Variants in GYPE observed in about 807,000 individuals in gnomAD.
The protein encoded by GYPE is glycophorin-E.
In GYPE, 8 loss-of-function variants were observed where a neutral mutation model predicts 11.6. The observed-to-expected ratio is 0.69, with a 90% CI of 0.41 to 1.25. GYPE has a LOEUF of 1.25. Ranked by LOEUF, GYPE falls within the 50% of genes most tolerant of loss-of-function variation. The pLI is 0.01. For synonymous variants in GYPE, 28 were observed against 29.6 expected (o/e 0.94, Z 0.18); for missense variants, 90 against 92.8 (o/e 0.97, Z 0.12).
chr4:143,897,218 C>A (rs1392825092), intron 1 of GYPE, among the ~76,000 whole-genome samples: 1 of 151,986 alleles, frequency 6.6e-6, no homozygotes, highest in African/African-American at 2.4e-5. Context: ...AACCCCAGTG[C>A]TTTGGGAGGC....
chr4:143,879,782 T>A (rs1474600385), intron 2 of GYPE, among the ~76,000 whole-genome samples: 2 of 152,060 alleles, frequency 1.3e-5, no homozygotes, highest in East Asian at 1.9e-4. Flanking sequence ...AAGACAAATC[T>A]CCCACATCCC....
intron 1 of GYPE, 34 bp downstream of exon 1, chr4:143,905,437 T>C (rs756791170): frequency 1.2e-6 from 2 of 1,612,602 alleles, no homozygotes; most frequent in South Asian, 1.1e-5. Flanking sequence ...TCATACCCAA[T>C]ATAACAGAAC....
intron 1 of GYPE, among the ~76,000 whole-genome samples, chr4:143,881,768 T>A (rs1744030411): frequency 6.6e-6 from 1 of 152,202 alleles, no homozygotes; most frequent in Non-Finnish European, 1.5e-5. Flanking sequence ...TAAACGTCAG[T>A]ACCCTGAACT....
intron 1 of GYPE, among the ~76,000 whole-genome samples, chr4:143,899,446 A>AT (rs890143486): frequency 2.2e-4 from 33 of 151,524 alleles, no homozygotes; most frequent in African/African-American, 6.1e-4. Flanking sequence ...AATGCACATA[A>AT]TTTTTTTTTG....
At chr4:143,874,077 C>T (rs1743705171) in intron 3 of GYPE, among the ~76,000 whole-genome samples, 1 of 152,016 alleles carries the variant, frequency 6.6e-6, no homozygotes, top group Non-Finnish European at 1.5e-5. Context: ...GTACTAGCAA[C>T]TGTCTTGTTG....
intron 2 of GYPE, 143 bp downstream of exon 2, chr4:143,880,268 G>A: frequency 7.3e-7 from 1 of 1,367,104 alleles, no homozygotes; most frequent in Non-Finnish European, 1.0e-6. Context: ...AGTAGGAATT[G>A]TGTCTACTTA....
In GYPE at chr4:143,905,435, A is replaced by C. The variant is rs753332011; in HGVS notation, c.37+36T>G. The C allele has an allele frequency of 1.2e-5, 20 of 1,612,500 alleles. No individual in the cohort carries two copies. The African/African-American group carries it at 2.1e-4, about 17-fold the overall frequency. On this transcript the variant is annotated intron_variant, in intron 1 of 3. Coordinates refer to ENST00000358615, the MANE Select transcript of GYPE (RefSeq NM_198682.3). ...CATTTTATTCTATGATCTCATACCC[A>C]ATATAACAGAACCAAGATGAAATAA...
chr4:143,897,655 T>C (rs1744701678), intron 1 of GYPE, among the ~76,000 whole-genome samples: 1 of 152,160 alleles, frequency 6.6e-6, no homozygotes, highest in Non-Finnish European at 1.5e-5. Flanking sequence ...CTGATGAACC[T>C]GGTTATACCC....
chr4:143,879,867 T>A lies in GYPE; in HGVS notation c.136+544A>T, dbSNP rs1204463092. The stretch of plus-strand genomic sequence containing the variant: ...AGAGACTGCCACCAGATTACTCTTA[T>A]CTCAGCACCCAGCTTTGCTTATTGT... On this transcript the variant is annotated intron_variant, in intron 2 of 3. Transcript: ENST00000358615. Among the ~76,000 whole-genome samples, 4 of 152,178 alleles carry A rather than the reference T, an allele frequency of 2.6e-5. No homozygotes were observed. The East Asian group carries it at 7.7e-4, about 29-fold the overall frequency.
chr4:143,894,260 C>T (rs560716155), intron 1 of GYPE, among the ~76,000 whole-genome samples: 1 of 151,992 alleles, frequency 6.6e-6, no homozygotes, highest in Admixed American at 6.6e-5. Context: ...TTTGAATTTC[C>T]TCCTGTAGCT....
At chr4:143,879,185 A>G (rs1743926926) in intron 2 of GYPE, among the ~76,000 whole-genome samples, 2 of 152,104 alleles carry the variant, frequency 1.3e-5, no homozygotes, top group African/African-American at 4.8e-5. Flanking sequence ...ATTCTATGTC[A>G]GCAGCAATTG....
chr4:143,905,319 G>C (rs1289837172), intron 1 of GYPE, among the ~76,000 whole-genome samples, 152 bp downstream of exon 1: 2 of 152,110 alleles, frequency 1.3e-5, no homozygotes, highest in East Asian at 3.9e-4. Flanking sequence ...ATTGGTAGCT[G>C]AGTTCCAGTA....
At position 143,901,811 on chromosome 4, in the gene GYPE, G is replaced by GTTTC. The variant is rs1159983133; in HGVS notation, c.37+3659_37+3660insGAAA. On this transcript the variant is annotated intron_variant, in intron 1 of 3. Coordinates refer to ENST00000358615, the MANE Select transcript of GYPE (RefSeq NM_198682.3). ...AAGAAATTTATCACAAGAATGTGAA[G>GTTTC]CTAAATTTCCTAATTTAAAATCACT... Among the ~76,000 whole-genome samples, 899 of 152,076 alleles carry GTTTC rather than the reference G, an allele frequency of 5.9e-3. 11 individuals carry two copies. The highest frequency in any genetic ancestry group is 0.021 in the African/African-American group (862 of 41,482).
At chr4:143,880,927 G>A (rs1744000502) in intron 1 of GYPE, among the ~76,000 whole-genome samples, 1 of 151,908 alleles carries the variant, frequency 6.6e-6, no homozygotes, top group African/African-American at 2.4e-5. Flanking sequence ...TTGTTATTAT[G>A]CTTATAAAGG....
In GYPE at chr4:143,876,799, C is replaced by T; in HGVS notation, c.193G>A (p.Val65Ile). 1.2e-6 allele frequency: 2 copies of T among 1,610,912 alleles called. No homozygotes were observed. The highest frequency in any genetic ancestry group is 1.7e-6 in the Non-Finnish European group (2 of 1,177,662). The change falls in exon 3 of 4, where the codon GTT (valine) becomes ATT (isoleucine). Residue 65 changes from valine to isoleucine, a missense_variant. Val to Ile is a conservative substitution (Grantham distance 29). Coordinates refer to ENST00000358615, the MANE Select transcript of GYPE (RefSeq NM_198682.3). ...MARVIFEVML[V>I]VVGMIILISY... Reference sequence around the variant, plus strand: ...ATTAAGATGATCATTCCAACAACAACAAGCATCACCTCAAAAATAACACGA... The same window carrying T: ...ATTAAGATGATCATTCCAACAACAATAAGCATCACCTCAAAAATAACACGA...
At chr4:143,884,098 C>T (rs1324053253) in intron 1 of GYPE, among the ~76,000 whole-genome samples, 1 of 151,340 alleles carries the variant, frequency 6.6e-6, no homozygotes, top group Non-Finnish European at 1.5e-5. Context: ...TTCGCCCTTC[C>T]CTTCCCTCTT....
At position 143,872,207 on chromosome 4, in the gene GYPE, T is replaced by C. The variant is rs1452079342; in HGVS notation, c.*55A>G. On this transcript the variant is annotated 3_prime_UTR_variant, in exon 4 of 4. Transcript: ENST00000358615. ...TGAACAGTGAAGTAAAAAAATGTCC[T>C]TTCTTTGCTTTCTTCCTCTAATCTC... is the stretch of plus-strand genomic sequence containing the variant. 1 of 152,526 alleles carries C rather than the reference T, an allele frequency of 6.6e-6. No homozygotes were observed. The highest frequency in any genetic ancestry group is 1.9e-4 in the East Asian group (1 of 5,172). The allele number at this position is 152,526 out of a possible 1,614,324, so 9.4% of individuals were successfully genotyped here.
At position 143,884,948 on chromosome 4, in the gene GYPE, A is replaced by G. The variant is rs1209620143; in HGVS notation, c.38-4439T>C. Among the ~76,000 whole-genome samples the G allele has an allele frequency of 2.7e-5, 4 of 149,374 alleles. 1 individual carries two copies. Among genetic ancestry groups the G allele is most frequent in the African/African-American group, 9.9e-5 (4 of 40,306 alleles). ...AATGAATGGTTTGAAGCAGTTTTTT[A>G]TTTAGGGAAAATCACTGTCAGTAGT... is the stretch of plus-strand genomic sequence containing the variant. On this transcript the variant is annotated intron_variant, in intron 1 of 3. Transcript: ENST00000358615.
chr4:143,880,497 A>G lies in GYPE; in HGVS notation c.50T>C (p.Ile17Thr), dbSNP rs1743982880. The G allele has an allele frequency of 6.2e-7, 1 of 1,613,886 alleles. No individual in the cohort carries two copies. Among genetic ancestry groups the G allele is most frequent in the Admixed American group, 1.7e-5 (1 of 59,994 alleles). Reference protein sequence around the residue: ...FVLLLSGIVSISASSTTGVAM... With the variant: ...FVLLLSGIVSTSASSTTGVAM... Reference sequence around the variant, plus strand: ...CACACCAGTGGTACTTGATGCTGATATGCTCACAATTCCTGTATAAAATAG... The same window carrying G: ...CACACCAGTGGTACTTGATGCTGATGTGCTCACAATTCCTGTATAAAATAG... Residue 17 changes from isoleucine (I) to threonine (T), a missense_variant, in exon 2 of 4, where the codon ATA becomes ACA. Coordinates refer to ENST00000358615, the MANE Select transcript of GYPE (RefSeq NM_198682.3).
Sources: allele counts gnomAD v4.1 joint callset (sites outside exome capture counted in the v4.1 genomes callset), GRCh38; gene constraint gnomAD v4.1.1; transcripts MANE v1.5; gene names NCBI Gene and HGNC (gene_info 2026-07-23, HGNC 2026-07-21).